Variants in ZFAT observed in about 807,000 individuals in gnomAD.
The protein encoded by ZFAT is zinc finger protein ZFAT.
Under a neutral mutation model 117.7 loss-of-function variants are expected in ZFAT, and 64 were observed. The observed-to-expected ratio is 0.54, with a 90% confidence interval of 0.44 to 0.67. The LOEUF (loss-of-function observed/expected upper bound fraction) is 0.67, where lower values mean the gene tolerates loss of function less well. Among genes scored for constraint, ZFAT ranks in the 30% least tolerant of loss-of-function variants. The probability of loss-of-function intolerance (pLI) is 0.00; values close to 1 mark genes in which losing one functional copy is unlikely to be tolerated. For synonymous variants in ZFAT, 679 were observed against 615.0 expected, an observed-to-expected ratio of 1.10 and a Z score of -1.54; for missense variants, 1,433 against 1,584.5, an observed-to-expected ratio of 0.90 and a Z score of 1.62.
At chr8:134,763,017 C>A in the ZFAT span, among the ~76,000 whole-genome samples, 1 of 152,174 alleles carries the variant, frequency 6.6e-6, no homozygotes, top group Non-Finnish European at 1.5e-5. Context: ...GTCTCTTAAC[C>A]AGTCTCCCTA....
intron 1 of ZFAT, among the ~76,000 whole-genome samples, chr8:134,663,106 C>T (rs1832018772): frequency 6.6e-6 from 1 of 152,364 alleles, no homozygotes; most frequent in East Asian, 1.9e-4. Flanking sequence ...CAGTGGTTTT[C>T]CTCCTTGAGA....
chr8:134,714,316 G>T (rs1427839740), upstream of ZFAT, among the ~76,000 whole-genome samples: 1 of 152,106 alleles, frequency 6.6e-6, no homozygotes, highest in Non-Finnish European at 1.5e-5. Flanking sequence ...TGGTCTCACT[G>T]GCCTAGCTCC....
chr8:134,497,748 C>T (rs1170823241), intron 15 of ZFAT, among the ~76,000 whole-genome samples: 2 of 98,866 alleles, frequency 2.0e-5, no homozygotes, highest in African/African-American at 3.9e-5. Context: ...AGCCGTGATG[C>T]CCCTGCTGCT....
chr8:134,484,519 C>G (rs879637340), intron 15 of ZFAT, among the ~76,000 whole-genome samples: 3 of 152,128 alleles, frequency 2.0e-5, no homozygotes, highest in Non-Finnish European at 2.9e-5. Context: ...CCTTTTGGCT[C>G]CAAAAGTCCC....
intron 9 of ZFAT, 95 bp downstream of exon 9, chr8:134,588,151 A>C: frequency 7.3e-7 from 1 of 1,369,188 alleles, no homozygotes; most frequent in Non-Finnish European, 9.8e-7. Context: ...AACAGCAGGG[A>C]TGTGAAGATA....
At chr8:134,648,784 C>T (rs948482846) in intron 2 of ZFAT, among the ~76,000 whole-genome samples, 2 of 152,002 alleles carry the variant, frequency 1.3e-5, no homozygotes, top group African/African-American at 4.8e-5. Flanking sequence ...TCAAGTCATG[C>T]TATGAGGCCA....
intron 14 of ZFAT, among the ~76,000 whole-genome samples, chr8:134,510,525 G>A (rs536952247): frequency 4.6e-5 from 7 of 152,234 alleles, no homozygotes; most frequent in Non-Finnish European, 7.4e-5. Context: ...TCAGAGAAGG[G>A]GAACTCAACG....
rs1821706312 is a variant in ZFAT, at chr8:134,534,775, A to AGAGAGAGAGAG, written c.2977-1804_2977-1803insCTCTCTCTCTC. On this transcript the variant is annotated intron_variant, in intron 11 of 15. Coordinates refer to ENST00000377838, the MANE Select transcript of ZFAT (RefSeq NM_020863.4). ...AGAGGGGGAGAGGGAGAGAGGGAGAAAGAGAGAGAGAGAGAGAGAGAGGAG... is the reference window on the plus strand; with the variant it reads ...AGAGGGGGAGAGGGAGAGAGGGAGAAGAGAGAGAGAGAGAGAGAGAGAGAGAGAGAGAGGAG... Among the ~76,000 whole-genome samples the AGAGAGAGAGAG allele has an allele frequency of 2.0e-4, 27 of 136,344 alleles. 1 individual carries two copies. Among genetic ancestry groups the AGAGAGAGAGAG allele is most frequent in the African/African-American group, 7.1e-4 (25 of 35,226 alleles). The allele number at this position is 136,344 out of a possible 152,430, so 89.4% of individuals were successfully genotyped here.
At chr8:134,488,831 C>T (rs996532708) in intron 15 of ZFAT, among the ~76,000 whole-genome samples, 2 of 151,954 alleles carry the variant, frequency 1.3e-5, no homozygotes, top group Non-Finnish European at 1.5e-5. Context: ...GGGATTCCTA[C>T]GAGTCTGAAG....
At chr8:134,826,679 T>C in the ZFAT span, among the ~76,000 whole-genome samples, 1 of 152,224 alleles carries the variant, frequency 6.6e-6, no homozygotes, top group South Asian at 2.1e-4. Flanking sequence ...TATTAAATTA[T>C]ACATACTGTG....
intron 11 of ZFAT, among the ~76,000 whole-genome samples, chr8:134,544,069 G>T (rs1000680957): frequency 6.6e-6 from 1 of 152,152 alleles, no homozygotes; most frequent in African/African-American, 2.4e-5. Flanking sequence ...GCCTCATCTT[G>T]CTCTTTACTC....
At chr8:134,771,187 G>A in the ZFAT span, among the ~76,000 whole-genome samples, 32 of 152,244 alleles carry the variant, frequency 2.1e-4, no homozygotes, top group African/African-American at 6.3e-4. Flanking sequence ...GAGGCATCAC[G>A]GAACCTACCG....
chr8:134,582,695 C>T (rs760234484), intron 10 of ZFAT, among the ~76,000 whole-genome samples: 54 of 152,172 alleles, frequency 3.5e-4, no homozygotes, highest in Non-Finnish European at 5.0e-4. Context: ...TCTGATGAAT[C>T]CCAGCCAAGT....
chr8:134,790,610 C>T, the ZFAT span, among the ~76,000 whole-genome samples: 1 of 151,228 alleles, frequency 6.6e-6, no homozygotes, highest in African/African-American at 2.5e-5. Context: ...CTCACACCTT[C>T]TGTTTTCTCC....
chr8:134,813,977 A>G, the ZFAT span, among the ~76,000 whole-genome samples: 295 of 152,304 alleles, frequency 1.9e-3, 3 homozygotes, highest in African/African-American at 6.7e-3. Context: ...CAAAAAGTTA[A>G]TATCTTTCCT....
In ZFAT at chr8:134,695,187, G is replaced by A. The variant is rs1466293065; in HGVS notation, c.19+17658C>T. On this transcript the variant is annotated intron_variant, in intron 1 of 15. Transcript: ENST00000377838. ...TCCAGACCCAGGGCAAGGGGGTTGCGTCCACATCCTCCCCGGGAGGCACCC... is the reference window on the plus strand; with the variant it reads ...TCCAGACCCAGGGCAAGGGGGTTGCATCCACATCCTCCCCGGGAGGCACCC... Among the ~76,000 whole-genome samples, 4 of 152,134 alleles carry A rather than the reference G, an allele frequency of 2.6e-5. No homozygotes were observed. In the East Asian group the frequency reaches 5.8e-4, roughly 22 times the overall value.
At chr8:134,750,339 A>G in the ZFAT span, among the ~76,000 whole-genome samples, 1 of 152,190 alleles carries the variant, frequency 6.6e-6, no homozygotes, top group Non-Finnish European at 1.5e-5. Context: ...TTTTGTTATC[A>G]GTAATAGTTT....
At chr8:134,487,115 G>A (rs1817715161) in intron 15 of ZFAT, among the ~76,000 whole-genome samples, 3 of 152,190 alleles carry the variant, frequency 2.0e-5, no homozygotes, top group Admixed American at 2.0e-4. Flanking sequence ...ATACATGGAT[G>A]TGATATGTGT....
At chr8:134,521,117 C>A in intron 12 of ZFAT, 116 bp from the exon 13 acceptor site, 2 of 660,508 alleles carry the variant, frequency 3.0e-6, no homozygotes, top group African/African-American at 1.8e-5. Flanking sequence ...GTCTCCAGCA[C>A]TTGTATTCAA....
Sources: allele counts gnomAD v4.1 joint callset (sites outside exome capture counted in the v4.1 genomes callset), GRCh38; gene constraint gnomAD v4.1.1; transcripts MANE v1.5; gene names NCBI Gene and HGNC (gene_info 2026-07-23, HGNC 2026-07-21).